Variants in PTK7 observed in about 807,000 individuals in gnomAD.
PTK7 encodes the protein inactive tyrosine-protein kinase 7.
PTK7 carries 39 observed loss-of-function variants against 116.6 expected under a neutral mutation model. The ratio of observed to expected loss-of-function variants is 0.33; its 90% CI spans 0.26 to 0.44. PTK7 has a LOEUF of 0.44. PTK7 is among the 20% of genes least tolerant of loss of function. PTK7 has a pLI of 1.00. For synonymous variants in PTK7, 546 were observed against 563.6 expected, an observed-to-expected ratio of 0.97 and a Z score of 0.44; for missense variants, 1,169 against 1,425.6, an observed-to-expected ratio of 0.82 and a Z score of 2.90.
chr6:43,116,040 C>T (rs1417399133), intron 1 of PTK7, among the ~76,000 whole-genome samples: 1 of 151,918 alleles, frequency 6.6e-6, no homozygotes, highest in Non-Finnish European at 1.5e-5. Flanking sequence ...GCTCGTAGCT[C>T]TTCTAAGCAC....
intron 1 of PTK7, among the ~76,000 whole-genome samples, chr6:43,113,657 A>G (rs1768317833): frequency 6.6e-6 from 1 of 152,164 alleles, no homozygotes; most frequent in Non-Finnish European, 1.5e-5. Flanking sequence ...TTAAGCTCCA[A>G]AAGTAGCAGG....
At chr6:43,130,148 G>C in intron 3 of PTK7, 82 bp from the exon 4 acceptor site, 1 of 1,389,174 alleles carries the variant, frequency 7.2e-7, no homozygotes, top group East Asian at 2.3e-5. Flanking sequence ...GAAAGGTCTA[G>C]CCCTGACCCT....
At chr6:43,108,010 TTCACGA>T (rs1457450880) in intron 1 of PTK7, among the ~76,000 whole-genome samples, 2 of 144,644 alleles carry the variant, frequency 1.4e-5, no homozygotes, top group Admixed American at 1.4e-4. Flanking sequence ...AGAATGTGTG[TTCACGA>T]TTATTATTTC....
Position 43,129,431 on chromosome 6 carries a change from G to A in PTK7, c.367+167G>A. On this transcript the variant is annotated intron_variant, in intron 2 of 19. Transcript: ENST00000230419. This position sits in a 1 kb window ranked among gnomAD's most constrained non-coding sequence, Gnocchi z 4.5. ...TCATGTGGATAAGAGGAAATTAAAAGTTATATTTTTTCCAAAATTTTTTCC... is the reference window on the plus strand; with the variant it reads ...TCATGTGGATAAGAGGAAATTAAAAATTATATTTTTTCCAAAATTTTTTCC... 3 of 1,044,982 alleles carry A rather than the reference G, an allele frequency of 2.9e-6. No individual in the cohort carries two copies. The highest frequency in any genetic ancestry group is 4.1e-6 in the Non-Finnish European group (3 of 735,142). The allele number at this position is 1,044,982 out of a possible 1,614,324, so 64.7% of individuals were successfully genotyped here.
chr6:43,135,820 C>T (rs1029003154), intron 7 of PTK7, among the ~76,000 whole-genome samples: 6 of 152,166 alleles, frequency 3.9e-5, no homozygotes, highest in African/African-American at 1.4e-4. Flanking sequence ...TTTGGGAGGC[C>T]GAGGCAGGTG....
rs1175012549 is a variant in PTK7, at chr6:43,153,133, T to C, written c.2722-5684T>C. Among the ~76,000 whole-genome samples the C allele has an allele frequency of 2.7e-5, 4 of 149,148 alleles. No homozygotes were observed. The East Asian group carries it at 8.0e-4, about 30-fold the overall frequency. On this transcript the variant is annotated intron_variant, in intron 17 of 19. Coordinates refer to ENST00000230419, the MANE Select transcript of PTK7 (RefSeq NM_002821.5). ...ATTTATTTATTTATTTATTTTGAGA[T>C]GGAGTCTCTCTCTGTCACCCAGGCT... is the stretch of plus-strand genomic sequence containing the variant.
At chr6:43,133,826 C>T (rs534741579) in intron 7 of PTK7, 1 of 152,250 alleles carries the variant, frequency 6.6e-6, no homozygotes, top group Admixed American at 6.5e-5. Context: ...ATGAAAGTGG[C>T]TTTGTAAATG....
intron 7 of PTK7, among the ~76,000 whole-genome samples, chr6:43,136,238 G>A (rs577701703): frequency 1.7e-4 from 26 of 152,072 alleles, no homozygotes; most frequent in Non-Finnish European, 2.6e-4. Flanking sequence ...GGGAGGCTGA[G>A]GCAGGAGAAT....
chr6:43,128,422 A>G (rs977270231), intron 1 of PTK7, among the ~76,000 whole-genome samples: 2 of 152,178 alleles, frequency 1.3e-5, no homozygotes, highest in Non-Finnish European at 2.9e-5. Context: ...GTGCCCCTCT[A>G]GTCTTCAGAC....
intron 7 of PTK7, among the ~76,000 whole-genome samples, chr6:43,134,685 CAGG>C (rs1369562548): frequency 7.9e-5 from 12 of 151,400 alleles, no homozygotes; most frequent in Admixed American, 1.3e-4. Flanking sequence ...GAGGCTGGGG[CAGG>C]AGAATTGCTT....
chr6:43,120,724 C>G (rs935178634), intron 1 of PTK7, among the ~76,000 whole-genome samples: 12 of 152,160 alleles, frequency 7.9e-5, no homozygotes, highest in African/African-American at 2.7e-4. Context: ...GGTGACTGTT[C>G]AGTTGCATGC....
chr6:43,116,716 G>A (rs1768572117), intron 1 of PTK7, among the ~76,000 whole-genome samples: 1 of 152,064 alleles, frequency 6.6e-6, no homozygotes, highest in Admixed American at 6.6e-5. Flanking sequence ...GATACCCAGA[G>A]GAGTGGTGGA....
chr6:43,145,206 G>C lies in PTK7; in HGVS notation c.2414G>C (p.Ser805Thr). 8 of 1,607,394 alleles carry C rather than the reference G, an allele frequency of 5.0e-6. No individual in the cohort carries two copies. Among genetic ancestry groups the C allele is most frequent in the Non-Finnish European group, 6.8e-6 (8 of 1,176,316 alleles). ...ACTCAGACTGTACCCACAGGGAAGA[G>C]TGAGTTTGGGGAGGTGTTCCTGGCA... ...SLQPITTLGK[S>T]EFGEVFLAKA... Residue 805 changes from serine to threonine, a missense_variant, in exon 16 of 20, where the codon AGT becomes ACT. Physicochemically the swap from Ser to Thr is moderately conservative, Grantham distance 58 (BLOSUM62 1). Transcript: ENST00000230419. The surrounding 1 kb of genome is among the most constrained non-coding windows in gnomAD (Gnocchi z 4.8).
intron 17 of PTK7, among the ~76,000 whole-genome samples, chr6:43,157,739 T>A (rs540130343): frequency 1.6e-4 from 25 of 151,854 alleles, no homozygotes; most frequent in African/African-American, 2.4e-4. Context: ...ATATATATAT[T>A]TTTTGAGATG....
At chr6:43,116,737 G>A (rs1413520265) in intron 1 of PTK7, among the ~76,000 whole-genome samples, 2 of 152,076 alleles carry the variant, frequency 1.3e-5, no homozygotes. Context: ...AACAGACGAG[G>A]GTGAGTAGGT....
intron 17 of PTK7, among the ~76,000 whole-genome samples, chr6:43,157,170 T>G (rs1378001681): frequency 1.0e-4 from 15 of 144,334 alleles, no homozygotes; most frequent in Admixed American, 2.8e-4. Context: ...GGATTGTGGT[T>G]TTTTTTTTTT....
intron 1 of PTK7, among the ~76,000 whole-genome samples, chr6:43,112,712 C>T (rs1244990870): frequency 6.6e-6 from 1 of 152,154 alleles, no homozygotes; most frequent in Admixed American, 6.6e-5. Context: ...CTGCACCCGG[C>T]CCCATTTTAG....
intron 1 of PTK7, among the ~76,000 whole-genome samples, chr6:43,080,067 AAAG>A (rs1766288265): frequency 6.6e-6 from 1 of 151,474 alleles, no homozygotes; most frequent in South Asian, 2.1e-4. Flanking sequence ...AAAAAAAAAA[AAAG>A]GGCAGGATGC....
At chr6:43,086,506 G>A (rs1050166816) in intron 1 of PTK7, among the ~76,000 whole-genome samples, 6 of 151,900 alleles carry the variant, frequency 3.9e-5, no homozygotes, top group African/African-American at 1.5e-4. Context: ...TGTCCCAGCA[G>A]CTAGCTCGTA....
Sources: gnomAD v4.1 joint callset for allele counts (sites outside exome capture counted in the v4.1 genomes callset) on GRCh38, gnomAD v4.1.1 for gene constraint, Gnocchi (gnomAD v3.1) non-coding constraint, MANE v1.5 for transcripts, NCBI Gene and HGNC (gene_info 2026-07-23, HGNC 2026-07-21) for gene names.